The following SHANK2 variants were observed in gnomAD, a reference collection of about 807,000 sequenced individuals.
SHANK2 encodes the protein SH3 and multiple ankyrin repeat domains protein 2.
Under a neutral mutation model 133.7 loss-of-function variants are expected in SHANK2, and 43 were observed. The ratio of observed to expected loss-of-function variants is 0.32; its 90% CI spans 0.25 to 0.41. The LOEUF is 0.41. SHANK2 is among the 10% of genes least tolerant of loss of function. The pLI is 1.00. For missense variants in SHANK2, 1,994 were observed against 2,235.8 expected, an observed-to-expected ratio of 0.89 and a Z score of 2.18; for synonymous variants, 1,017 against 952.8, an observed-to-expected ratio of 1.07 and a Z score of -1.24.
At chr11:71,107,538 G>T (rs1362739513) in intron 6 of SHANK2, among the ~76,000 whole-genome samples, 1 of 152,210 alleles carries the variant, frequency 6.6e-6, no homozygotes, top group African/African-American at 2.4e-5. Flanking sequence ...CCACAGATCA[G>T]GTTCCCGAGC....
intron 15 of SHANK2, among the ~76,000 whole-genome samples, chr11:70,664,446 G>T (rs1376092856): frequency 1.3e-5 from 2 of 152,206 alleles, no homozygotes. Context: ...GTCTGCAAGA[G>T]GAGCTGCTGA....
At chr11:71,084,063 G>T (rs1951343442) in intron 8 of SHANK2, among the ~76,000 whole-genome samples, 1 of 151,836 alleles carries the variant, frequency 6.6e-6, no homozygotes, top group African/African-American at 2.4e-5. Flanking sequence ...TCTGCCTCCT[G>T]GGTTCATGCC....
intron 17 of SHANK2, among the ~76,000 whole-genome samples, chr11:70,578,799 G>C (rs782089841): frequency 1.3e-5 from 2 of 152,326 alleles, no homozygotes; most frequent in South Asian, 4.1e-4. Flanking sequence ...AAAGGGGGAT[G>C]ATTGCTCTTT....
At chr11:70,650,221 G>A (rs933957489) in intron 17 of SHANK2, among the ~76,000 whole-genome samples, 4 of 152,254 alleles carry the variant, frequency 2.6e-5, no homozygotes, top group Non-Finnish European at 5.9e-5. Flanking sequence ...GCAGGACATA[G>A]CAGATGCTCA....
chr11:71,109,043 T>G (rs76851280), intron 6 of SHANK2, among the ~76,000 whole-genome samples: 1,841 of 152,260 alleles, frequency 0.012, 12 homozygotes, highest in East Asian at 0.02. Context: ...TTTTGAGGTG[T>G]GACACCAGTA....
rs541815928 is a variant in SHANK2, at chr11:71,184,131, T to C, written c.-12-36793A>G. On this transcript the variant is annotated intron_variant, in intron 2 of 25. Transcript: ENST00000601538. Reference sequence around the variant, plus strand: ...GAGACAGCCCCTCCCCGGCGGCACCTGGACTTGCCTGGCACGGTTCCCAGG... The same window carrying C: ...GAGACAGCCCCTCCCCGGCGGCACCCGGACTTGCCTGGCACGGTTCCCAGG... Among the ~76,000 whole-genome samples the C allele has an allele frequency of 3.9e-5, 6 of 152,288 alleles. No individual in the cohort carries two copies. In the East Asian group the frequency reaches 1.2e-3, roughly 29 times the overall value.
chr11:71,167,358 C>A lies in SHANK2; in HGVS notation c.-12-20020G>T, dbSNP rs192702320. 8.7e-3 allele frequency among the ~76,000 whole-genome samples: 1,308 copies of A among 151,132 alleles called. 21 individuals carry two copies. The highest frequency in any genetic ancestry group is 0.03 in the African/African-American group (1,213 of 40,884). On this transcript the variant is annotated intron_variant, in intron 2 of 25. Transcript: ENST00000601538. ...AGAGGGGCTCACTTCCCAGTAGGGG[C>A]GGCCGGGCAGAGGCGCCCCTCACCT...
chr11:70,592,451 C>T (rs1196798820), intron 17 of SHANK2, among the ~76,000 whole-genome samples: 1 of 152,104 alleles, frequency 6.6e-6, no homozygotes, highest in Non-Finnish European at 1.5e-5. Context: ...TCTGATGCAG[C>T]CAACACAGAC....
intron 10 of SHANK2, among the ~76,000 whole-genome samples, chr11:70,946,291 TTCCCAGGCTCAACCTCTCTCTCCACTAAC>T (rs1555085407): frequency 1.4e-5 from 2 of 145,354 alleles, no homozygotes; most frequent in African/African-American, 5.3e-5. Flanking sequence ...TAAACAACGC[TTCCCAGGCTCAACCTCTCTCTCCACTAAC>T]CAACACTTCC....
intron 11 of SHANK2, 161 bp downstream of exon 11, chr11:70,896,340 G>C (rs1949934311): frequency 3.5e-6 from 2 of 568,900 alleles, no homozygotes; most frequent in Admixed American, 3.2e-5. Flanking sequence ...GTTAAAAAAA[G>C]TTAAGACCAG....
At chr11:71,205,401 G>A (rs181078304) in intron 2 of SHANK2, among the ~76,000 whole-genome samples, 47 of 152,184 alleles carry the variant, frequency 3.1e-4, no homozygotes, top group Non-Finnish European at 6.0e-4. Flanking sequence ...GCTCTGCCTC[G>A]TGCCCCTGCT....
intron 17 of SHANK2, among the ~76,000 whole-genome samples, chr11:70,503,447 C>A (rs1555159326): frequency 6.6e-6 from 1 of 152,190 alleles, no homozygotes; most frequent in African/African-American, 2.4e-5. Flanking sequence ...CCTCCCACTC[C>A]CTCCCTCCCT....
At chr11:70,909,092 T>G (rs1555078515) in intron 10 of SHANK2, among the ~76,000 whole-genome samples, 1 of 152,224 alleles carries the variant, frequency 6.6e-6, no homozygotes, top group African/African-American at 2.4e-5. Flanking sequence ...GTGGACCAAA[T>G]GCAACCTCCC....
At chr11:70,790,637 G>A (rs931172931) in intron 14 of SHANK2, among the ~76,000 whole-genome samples, 49 of 152,190 alleles carry the variant, frequency 3.2e-4, no homozygotes, top group African/African-American at 1.1e-3. Context: ...AGACTTGCCT[G>A]TTCCCATGAT....
chr11:71,086,776 G>T (rs1329194307), intron 8 of SHANK2, among the ~76,000 whole-genome samples: 1 of 151,996 alleles, frequency 6.6e-6, no homozygotes, highest in Non-Finnish European at 1.5e-5. Flanking sequence ...GGCACTGTCC[G>T]CTGCTCCTGC....
rs781931457 is a variant in SHANK2, at chr11:70,485,243, C to T, written c.4979+71G>A. 94 of 1,357,328 alleles carry T rather than the reference C, an allele frequency of 6.9e-5. No homozygotes were observed. Among genetic ancestry groups the T allele is most frequent in the Non-Finnish European group, 9.1e-5 (87 of 954,062 alleles). 84.1% of individuals were successfully genotyped at this position (1,357,328 alleles called of 1,614,324 possible). A position where few individuals can be genotyped will look rare whatever the true frequency, so the allele number is the denominator to read the frequency against. The stretch of plus-strand genomic sequence containing the variant: ...CTTCGTGTCCGCTGGGGCTGCTACC[C>T]GAGGGCCTTTCCTGGTCAGCAGGGA... On this transcript the variant is annotated intron_variant, in intron 25 of 25. Coordinates refer to ENST00000601538, the MANE Select transcript of SHANK2 (RefSeq NM_012309.5). The surrounding 1 kb of genome is among the most constrained non-coding windows in gnomAD (Gnocchi z 5.8).
intron 2 of SHANK2, among the ~76,000 whole-genome samples, chr11:71,152,050 A>G (rs1952808546): frequency 6.6e-6 from 1 of 151,736 alleles, no homozygotes; most frequent in Admixed American, 6.6e-5. Context: ...AGGCCTGCAG[A>G]TATCTTTTAG....
At chr11:70,891,694 C>T (rs1555074749) in intron 11 of SHANK2, among the ~76,000 whole-genome samples, 2 of 152,014 alleles carry the variant, frequency 1.3e-5, no homozygotes, top group East Asian at 1.9e-4. Context: ...GCACCAAAAG[C>T]GTGTCCTCCT....
chr11:70,839,606 G>A (rs2135425356), intron 11 of SHANK2, among the ~76,000 whole-genome samples: 1 of 152,298 alleles, frequency 6.6e-6, no homozygotes, highest in East Asian at 1.9e-4. Context: ...AGCCTTGGAG[G>A]GGGTTTATTT....
Sources: allele counts gnomAD v4.1 joint callset (sites outside exome capture counted in the v4.1 genomes callset), GRCh38; gene constraint gnomAD v4.1.1; non-coding constraint Gnocchi (gnomAD v3.1); transcripts MANE v1.5; gene names NCBI Gene and HGNC (gene_info 2026-07-23, HGNC 2026-07-21).